Variants in CWF19L2 observed in about 807,000 individuals in gnomAD.
The protein encoded by CWF19L2 is CWF19-like protein 2.
In CWF19L2, 98 loss-of-function variants were observed where a neutral mutation model predicts 111.7. That is an observed-to-expected ratio of 0.88 (90% CI 0.75 to 1.04). CWF19L2 has a LOEUF of 1.04. Among genes scored for constraint, CWF19L2 ranks in the 50% least tolerant of loss-of-function variants. The probability of loss-of-function intolerance (pLI) is 0.00; values close to 1 mark genes in which losing one functional copy is unlikely to be tolerated. For synonymous variants in CWF19L2, 351 were observed against 342.9 expected (o/e 1.02, Z -0.26); for missense variants, 1,101 against 1,051.4 (o/e 1.05, Z -0.65).
rs550453722 is a variant in CWF19L2 at position 107,446,326 on chromosome 11, T to C, written c.340-3277A>G. On this transcript the variant is annotated intron_variant, in intron 3 of 17. Transcript: ENST00000282251. ...AGTTATATTTACATACATACACACATACTCACACTCATATTATCTCATACT... is the reference window on the plus strand; with the variant it reads ...AGTTATATTTACATACATACACACACACTCACACTCATATTATCTCATACT... Among the ~76,000 whole-genome samples, 4 of 152,344 alleles carry C rather than the reference T, an allele frequency of 2.6e-5. No individual in the cohort carries two copies. In the East Asian group the frequency reaches 7.7e-4, roughly 29 times the overall value.
chr11:107,342,716 C>T (rs2134533973), intron 14 of CWF19L2, among the ~76,000 whole-genome samples: 1 of 152,180 alleles, frequency 6.6e-6, no homozygotes, highest in African/African-American at 2.4e-5. Context: ...TCCCAAGAAC[C>T]TAACAACATT....
At chr11:107,362,004 G>C (rs12280224) in intron 12 of CWF19L2, among the ~76,000 whole-genome samples, 2 of 152,272 alleles carry the variant, frequency 1.3e-5, no homozygotes, top group Non-Finnish European at 2.9e-5. Context: ...AGGCATTGCC[G>C]CACTTGGGAA....
At chr11:107,439,493 T>C (rs925335773) in intron 5 of CWF19L2, among the ~76,000 whole-genome samples, 1 of 152,172 alleles carries the variant, frequency 6.6e-6, no homozygotes, top group African/African-American at 2.4e-5. Context: ...GACATGTACT[T>C]TGAAGACAGA....
At chr11:107,405,727 T>A (rs553805187) in intron 10 of CWF19L2, among the ~76,000 whole-genome samples, 2 of 151,752 alleles carry the variant, frequency 1.3e-5, no homozygotes, top group Non-Finnish European at 2.9e-5. Context: ...AGGCAGTTCA[T>A]AGACTGCAGT....
At chr11:107,350,277 C>T (rs1860138428) in intron 13 of CWF19L2, among the ~76,000 whole-genome samples, 1 of 152,078 alleles carries the variant, frequency 6.6e-6, no homozygotes, top group Non-Finnish European at 1.5e-5. Context: ...TGCAGGGACA[C>T]AAATCCCTAC....
intron 10 of CWF19L2, among the ~76,000 whole-genome samples, chr11:107,413,276 G>T (rs1861183459): frequency 6.6e-6 from 1 of 152,148 alleles, no homozygotes; most frequent in African/African-American, 2.4e-5. Flanking sequence ...TGCTGTGAAT[G>T]TAGCACTGCT....
chr11:107,353,844 C>T (rs1860195599), intron 12 of CWF19L2, 108 bp from the exon 13 acceptor site: 5 of 757,376 alleles, frequency 6.6e-6, no homozygotes, highest in Admixed American at 2.9e-5. Context: ...AAAACTAATA[C>T]ATTTAAAAGA....
intron 8 of CWF19L2, among the ~76,000 whole-genome samples, chr11:107,419,125 T>C (rs577233846): frequency 6.6e-6 from 1 of 152,162 alleles, no homozygotes; most frequent in African/African-American, 2.4e-5. Flanking sequence ...GCCCAGAGGA[T>C]TGGAGGTAGA....
rs1268627824 is a variant in CWF19L2 at position 107,369,502 on chromosome 11, C to G, written c.1873-15766G>C. Among the ~76,000 whole-genome samples, 4 of 137,422 alleles carry G rather than the reference C, an allele frequency of 2.9e-5. 1 individual carries two copies. Among genetic ancestry groups the G allele is most frequent in the African/African-American group, 1.2e-4 (4 of 34,426 alleles). 90.2% of individuals were successfully genotyped at this position (137,422 alleles called of 152,430 possible). A position where few individuals can be genotyped will look rare whatever the true frequency, so the allele number is the denominator to read the frequency against. ...ATAATGACAAACCACGAAAAAAAGACACATAGGCTTGACTTATTCCCTGGC... is the reference window on the plus strand; with the variant it reads ...ATAATGACAAACCACGAAAAAAAGAGACATAGGCTTGACTTATTCCCTGGC... On this transcript the variant is annotated intron_variant, in intron 12 of 17. Coordinates refer to ENST00000282251, the MANE Select transcript of CWF19L2 (RefSeq NM_152434.3).
intron 12 of CWF19L2, among the ~76,000 whole-genome samples, chr11:107,388,755 T>G (rs935393634): frequency 6.6e-5 from 10 of 152,134 alleles, no homozygotes; most frequent in Admixed American, 4.6e-4. Flanking sequence ...GTTTATAAGA[T>G]TACTAAAACT....
In CWF19L2 at chr11:107,434,715, A is replaced by G. The variant is rs1861516668; in HGVS notation, c.665-966T>C. ...GAAAAAACTACAACTATATACAACAATATGGATGAATCTCAAAATGTGGGC... is the reference window on the plus strand; with the variant it reads ...GAAAAAACTACAACTATATACAACAGTATGGATGAATCTCAAAATGTGGGC... On this transcript the variant is annotated intron_variant, in intron 6 of 17. Transcript: ENST00000282251. Among the ~76,000 whole-genome samples, 4 of 151,958 alleles carry G rather than the reference A, an allele frequency of 2.6e-5. No individual in the cohort carries two copies. In the South Asian group the frequency reaches 8.3e-4, roughly 32 times the overall value.
At chr11:107,345,757 C>A (rs1860071573) in intron 14 of CWF19L2, among the ~76,000 whole-genome samples, 1 of 152,064 alleles carries the variant, frequency 6.6e-6, no homozygotes, top group Non-Finnish European at 1.5e-5. Flanking sequence ...GCATGATGTT[C>A]TCCATACTCA....
chr11:107,335,678 T>C (rs1380150681), intron 15 of CWF19L2, among the ~76,000 whole-genome samples: 1 of 152,160 alleles, frequency 6.6e-6, no homozygotes, highest in Non-Finnish European at 1.5e-5. Context: ...TGCTAAGCAA[T>C]GTGACTACTA....
At chr11:107,399,875 A>G (rs1179280149) in intron 10 of CWF19L2, among the ~76,000 whole-genome samples, 4 of 152,186 alleles carry the variant, frequency 2.6e-5, no homozygotes, top group Admixed American at 2.0e-4. Flanking sequence ...ACTCTTTCAG[A>G]CCACAGTGGA....
intron 12 of CWF19L2, among the ~76,000 whole-genome samples, chr11:107,380,280 T>G (rs960252389): frequency 3.9e-5 from 6 of 152,160 alleles, no homozygotes; most frequent in Admixed American, 2.0e-4. Context: ...AATCAAAATT[T>G]TAATCAAAAC....
At chr11:107,435,303 A>G (rs1190160702) in intron 6 of CWF19L2, among the ~76,000 whole-genome samples, 1 of 152,190 alleles carries the variant, frequency 6.6e-6, no homozygotes, top group Non-Finnish European at 1.5e-5. Flanking sequence ...AAAATTAACT[A>G]TGCAACCACT....
chr11:107,454,076 G>C (rs2135431967), intron 3 of CWF19L2, among the ~76,000 whole-genome samples: 1 of 152,300 alleles, frequency 6.6e-6, no homozygotes, highest in Non-Finnish European at 1.5e-5. Context: ...TCAGGCCTGG[G>C]GGAACTTGCC....
At chr11:107,418,054 G>T (rs962158561) in intron 9 of CWF19L2, 140 bp downstream of exon 9, 3 of 644,612 alleles carry the variant, frequency 4.7e-6, no homozygotes, top group African/African-American at 3.6e-5. Context: ...TGCCAGGCCT[G>T]AGAATTTCTT....
At chr11:107,372,672 A>G (rs138591433) in intron 12 of CWF19L2, among the ~76,000 whole-genome samples, 1 of 136,450 alleles carries the variant, frequency 7.3e-6, no homozygotes, top group Non-Finnish European at 1.6e-5. Flanking sequence ...GATAAGAGTT[A>G]AGAAAGAAGT....
Sources: allele counts gnomAD v4.1 joint callset (sites outside exome capture counted in the v4.1 genomes callset), GRCh38; gene constraint gnomAD v4.1.1; transcripts MANE v1.5; gene names NCBI Gene and HGNC (gene_info 2026-07-23, HGNC 2026-07-21).